The following KIDINS220 variants were observed in gnomAD, a reference collection of about 807,000 sequenced individuals.
The protein encoded by KIDINS220 is kinase D-interacting substrate of 220 kDa.
A neutral mutation model predicts 157.6 loss-of-function variants in KIDINS220; 63 were observed. That is an observed-to-expected ratio of 0.40 (90% CI 0.33 to 0.49). The LOEUF (loss-of-function observed/expected upper bound fraction) is 0.49, where lower values mean the gene tolerates loss of function less well. Ranked by LOEUF, KIDINS220 falls within the 20% of genes least tolerant of loss-of-function variation. The pLI is 0.66. For missense variants in KIDINS220, 1,772 were observed against 2,171.2 expected (o/e 0.82, Z 3.65); for synonymous variants, 732 against 783.6 (o/e 0.93, Z 1.10).
chr2:8,776,412 T>C (rs575803282), intron 21 of KIDINS220, among the ~76,000 whole-genome samples: 1 of 152,086 alleles, frequency 6.6e-6, no homozygotes, highest in Non-Finnish European at 1.5e-5. Flanking sequence ...AAAAAGCATA[T>C]AACATCTGAA....
chr2:8,737,231 A>G (rs1272362992), intron 26 of KIDINS220: 5 of 365,954 alleles, frequency 1.4e-5, no homozygotes, highest in African/African-American at 2.0e-5. Context: ...ATTTTTTCTA[A>G]GAAAACAGAA....
At chr2:8,740,577 C>T (rs1665487813) in intron 26 of KIDINS220, among the ~76,000 whole-genome samples, 1 of 152,142 alleles carries the variant, frequency 6.6e-6, no homozygotes, top group African/African-American at 2.4e-5. Context: ...GGCTTAGTTA[C>T]TTAGACTATC....
At chr2:8,809,669 A>C (rs987598320) in intron 6 of KIDINS220, among the ~76,000 whole-genome samples, 1 of 151,380 alleles carries the variant, frequency 6.6e-6, no homozygotes, top group African/African-American at 2.4e-5. Flanking sequence ...ATCTAGTAGG[A>C]CACCTTCAAC....
intron 26 of KIDINS220, among the ~76,000 whole-genome samples, chr2:8,745,598 A>C (rs1666430835): frequency 6.6e-6 from 1 of 152,134 alleles, no homozygotes; most frequent in Non-Finnish European, 1.5e-5. Flanking sequence ...GGAGTTCGAG[A>C]CCAGCCTGGC....
At chr2:8,806,034 T>C (rs557091705) in intron 7 of KIDINS220, among the ~76,000 whole-genome samples, 3 of 152,332 alleles carry the variant, frequency 2.0e-5, no homozygotes, top group South Asian at 2.1e-4. Flanking sequence ...CTATTCTTTA[T>C]ACTTTTAGCC....
chr2:8,729,627 A>G lies in KIDINS220; in HGVS notation c.*1093T>C. 1 of 980,696 alleles carries G rather than the reference A, an allele frequency of 1.0e-6. No individual in the cohort carries two copies. Among genetic ancestry groups the G allele is most frequent in the African/African-American group, 1.7e-5 (1 of 57,254 alleles). 60.7% of individuals were successfully genotyped at this position (980,696 alleles called of 1,614,324 possible). On this transcript the variant is annotated 3_prime_UTR_variant, in exon 30 of 30. Transcript: ENST00000256707. ...TACCCTTGCTTTGTTACATGTTTCCAAATTTTTTTTTAAAAAGTATTTCCT... is the reference window on the plus strand; with the variant it reads ...TACCCTTGCTTTGTTACATGTTTCCGAATTTTTTTTTAAAAAGTATTTCCT...
intron 17 of KIDINS220, among the ~76,000 whole-genome samples, chr2:8,782,296 T>A (rs1200740786): frequency 6.6e-6 from 1 of 151,640 alleles, no homozygotes; most frequent in Non-Finnish European, 1.5e-5. Flanking sequence ...TCAATAAGCC[T>A]TGGACTAACT....
chr2:8,808,713 G>A (rs927560294), intron 6 of KIDINS220, among the ~76,000 whole-genome samples: 2 of 152,122 alleles, frequency 1.3e-5, no homozygotes, highest in South Asian at 2.1e-4. Flanking sequence ...CTTTCACCCA[G>A]GCCCTTACTC....
chr2:8,768,992 C>T (rs1275775448), intron 22 of KIDINS220, among the ~76,000 whole-genome samples: 1 of 152,098 alleles, frequency 6.6e-6, no homozygotes, highest in Non-Finnish European at 1.5e-5. Context: ...CTTAAATATA[C>T]CTATTTCACC....
In KIDINS220 at chr2:8,795,759, A is replaced by C. The variant is rs139921472; in HGVS notation, c.1098+1012T>G. On this transcript the variant is annotated intron_variant, in intron 11 of 29. Coordinates refer to ENST00000256707, the MANE Select transcript of KIDINS220 (RefSeq NM_020738.4). ...CTTAAGATAGCATATTATATAATTA[A>C]CAAGGCTATATGGAACCTTGAAGGA... Among the ~76,000 whole-genome samples, 20 of 152,366 alleles carry C rather than the reference A, an allele frequency of 1.3e-4. No individual in the cohort carries two copies. The East Asian group carries it at 3.5e-3, about 26-fold the overall frequency.
intron 26 of KIDINS220, among the ~76,000 whole-genome samples, chr2:8,740,799 C>A (rs1665522994): frequency 6.6e-6 from 1 of 152,194 alleles, no homozygotes; most frequent in Non-Finnish European, 1.5e-5. Context: ...TTTTTAAAAA[C>A]TCTAATCCAA....
At chr2:8,802,027 C>A (rs936114954) in intron 8 of KIDINS220, among the ~76,000 whole-genome samples, 7 of 152,152 alleles carry the variant, frequency 4.6e-5, no homozygotes, top group Non-Finnish European at 8.8e-5. Flanking sequence ...AGACTAAGAG[C>A]ACAGCTGCTG....
chr2:8,778,928 G>C lies in KIDINS220; in HGVS notation c.2582C>G (p.Thr861Arg), dbSNP rs988782279. 6.2e-7 allele frequency: 1 copy of C among 1,614,144 alleles called. No homozygotes were observed. The highest frequency in any genetic ancestry group is 8.5e-7 in the Non-Finnish European group (1 of 1,180,010). The change falls in exon 19 of 30, where the codon ACA becomes AGA. Residue 861 changes from threonine to arginine, a missense_variant. Transcript: ENST00000256707. ...NARKFLVTSATNGDVPCSDTT... is the reference protein window; with the variant it reads ...NARKFLVTSARNGDVPCSDTT... ...ATCTGAGCATGGAACGTCTCCATTT[G>C]TTGCTGAAGTTACGAGAAATTTTCT...
rs70946383 is a variant in KIDINS220, at chr2:8,781,153, A to ATATATATATTATATAT, written c.2230-1340_2230-1339insATATATAATATATATA. Among the ~76,000 whole-genome samples, 268 of 130,388 alleles carry ATATATATATTATATAT rather than the reference A, an allele frequency of 2.1e-3. 4 individuals are homozygous for ATATATATATTATATAT. The highest frequency in any genetic ancestry group is 3.3e-3 in the Non-Finnish European group (208 of 62,272). The allele number at this position is 130,388 out of a possible 152,430, so 85.5% of individuals were successfully genotyped here. ...ACTATATTAATTATTATATATATAT[A>ATATATATATTATATAT]ATATATATATATTAAAGGGGGGCAT... On this transcript the variant is annotated intron_variant, in intron 17 of 29. Transcript: ENST00000256707.
At position 8,770,818 on chromosome 2, in the gene KIDINS220, C is replaced by A; in HGVS notation, c.2863G>T (p.Ala955Ser). 6.3e-7 allele frequency: 1 copy of A among 1,598,856 alleles called. No individual in the cohort carries two copies. Among genetic ancestry groups the A allele is most frequent in the East Asian group, 2.2e-5 (1 of 44,706 alleles). The change falls in exon 22 of 30, where the codon GCC (alanine) becomes TCC (serine). Residue 955 changes from alanine (A) to serine (S), a missense_variant. Ala to Ser is a moderately conservative substitution (Grantham distance 99, BLOSUM62 1). This residue lies in a region of KIDINS220 where 725 missense variants were observed against 1,017.1 expected (regional missense o/e 0.71). Coordinates refer to ENST00000256707, the MANE Select transcript of KIDINS220 (RefSeq NM_020738.4). ...IVSVTGRLLR[A>S]NQISFNWDRL... is the part of the protein sequence containing the mutation. The stretch of plus-strand genomic sequence containing the variant: ...TCCCAGTTGAAACTAATCTGATTGG[C>A]TCTCAGTAATCGTCCTTTTAAAAAA...
At chr2:8,763,343 C>T (rs1038040931) in intron 22 of KIDINS220, among the ~76,000 whole-genome samples, 4 of 152,122 alleles carry the variant, frequency 2.6e-5, no homozygotes, top group East Asian at 1.9e-4. Flanking sequence ...TTGGGAGTTT[C>T]GGCAGTACCA....
intron 22 of KIDINS220, among the ~76,000 whole-genome samples, chr2:8,753,170 CAGAT>C (rs1284763085): frequency 5.9e-5 from 9 of 151,850 alleles, no homozygotes. Flanking sequence ...TGTCCACTAA[CAGAT>C]GGAAGGATAA....
At chr2:8,743,612 G>A (rs181534608) in intron 26 of KIDINS220, among the ~76,000 whole-genome samples, 21 of 152,294 alleles carry the variant, frequency 1.4e-4, no homozygotes, top group Admixed American at 9.1e-4. Context: ...CAGGACGAAC[G>A]GGGCAGAGCC....
intron 12 of KIDINS220, among the ~76,000 whole-genome samples, chr2:8,792,453 G>T (rs1216419793): frequency 6.6e-6 from 1 of 152,098 alleles, no homozygotes; most frequent in Non-Finnish European, 1.5e-5. Flanking sequence ...AAGGAAACTG[G>T]CAAGAATACA....
Sources: allele counts gnomAD v4.1 joint callset (sites outside exome capture counted in the v4.1 genomes callset), GRCh38; gene constraint gnomAD v4.1.1; regional missense constraint gnomAD v4.1.1; transcripts MANE v1.5; gene names NCBI Gene and HGNC (gene_info 2026-07-23, HGNC 2026-07-21).